The following ADAM12 variants were observed in gnomAD, a reference collection of about 807,000 sequenced individuals.
ADAM12 encodes the protein ADAM metallopeptidase domain 12.
Under a neutral mutation model 106.4 loss-of-function variants are expected in ADAM12, and 70 were observed. The ratio of observed to expected loss-of-function variants is 0.66; its 90% CI spans 0.54 to 0.80. The LOEUF is 0.80. ADAM12 is among the 30% of genes least tolerant of loss of function. ADAM12 has a pLI of 0.00. For synonymous variants in ADAM12, 420 were observed against 433.5 expected (o/e 0.97, Z 0.39); for missense variants, 1,010 against 1,171.9 (o/e 0.86, Z 2.02).
chr10:126,233,373 C>A (rs1958351027), intron 3 of ADAM12, among the ~76,000 whole-genome samples: 1 of 152,098 alleles, frequency 6.6e-6, no homozygotes, highest in East Asian at 1.9e-4. Context: ...CAGTGGAGTC[C>A]ACATCAAGTC....
intron 3 of ADAM12, among the ~76,000 whole-genome samples, chr10:126,170,642 G>A (rs575440165): frequency 3.9e-5 from 6 of 152,276 alleles, no homozygotes; most frequent in South Asian, 2.1e-4. Flanking sequence ...GAAAAGCACC[G>A]TGTCTGGGAC....
At chr10:126,233,517 G>A (rs527967075) in intron 3 of ADAM12, among the ~76,000 whole-genome samples, 2 of 151,566 alleles carry the variant, frequency 1.3e-5, no homozygotes, top group South Asian at 4.2e-4. Flanking sequence ...GTTTGGGTGG[G>A]CGGTTGGGGA....
chr10:126,136,523 C>T (rs1427489395), intron 4 of ADAM12, among the ~76,000 whole-genome samples: 1 of 152,150 alleles, frequency 6.6e-6, no homozygotes, highest in Non-Finnish European at 1.5e-5. Context: ...TTTTGAGCAG[C>T]TCAGGTGTTA....
chr10:126,047,114 G>A (rs1590333111), intron 16 of ADAM12, among the ~76,000 whole-genome samples: 1 of 152,204 alleles, frequency 6.6e-6, no homozygotes. Flanking sequence ...CATTTCAAAT[G>A]TGCATAATAT....
chr10:126,100,485 T>C (rs1955641933), intron 9 of ADAM12, among the ~76,000 whole-genome samples: 1 of 150,188 alleles, frequency 6.7e-6, no homozygotes, highest in Admixed American at 6.6e-5. Context: ...GGGCGGATCA[T>C]GAGGTCAGGA....
chr10:126,149,122 A>G (rs1956683145), intron 4 of ADAM12, among the ~76,000 whole-genome samples: 1 of 152,166 alleles, frequency 6.6e-6, no homozygotes, highest in African/African-American at 2.4e-5. Flanking sequence ...GCAGACATTC[A>G]CCCTTTCACA....
At chr10:126,035,291 G>C (rs1478072633) in intron 21 of ADAM12, among the ~76,000 whole-genome samples, 1 of 151,878 alleles carries the variant, frequency 6.6e-6, no homozygotes, top group Non-Finnish European at 1.5e-5. Flanking sequence ...CTCTCCTAGG[G>C]GAATAAAGAG....
intron 9 of ADAM12, among the ~76,000 whole-genome samples, chr10:126,100,379 C>T (rs1206241453): frequency 6.6e-6 from 1 of 151,994 alleles, no homozygotes; most frequent in East Asian, 1.9e-4. Context: ...TATAAACATA[C>T]ATTTTCCACT....
chr10:126,345,252 A>G (rs538965196), intron 1 of ADAM12, among the ~76,000 whole-genome samples: 50 of 152,222 alleles, frequency 3.3e-4, no homozygotes, highest in African/African-American at 1.1e-3. Flanking sequence ...GAATTTTGTC[A>G]AAGGCCTTTT....
chr10:126,064,985 G>A lies in ADAM12; in HGVS notation c.1430C>T (p.Thr477Ile), dbSNP rs373681599. 1.3e-5 allele frequency: 21 copies of A among 1,611,092 alleles called. 1 individual carries two copies. Among genetic ancestry groups the A allele is most frequent in the East Asian group, 8.9e-5 (4 of 44,836 alleles). ...GGAGTTGCTGGAGTCCCTGCACGCT[G>A]TTCCTGCAGGCTTCAGCTGGAAGGA... ...CEDCQLKPAG[T>I]ACRDSSNSCD... is the part of the protein sequence containing the mutation. The change falls in exon 14 of 23, where the codon ACA becomes ATA. Residue 477 changes from threonine (T) to isoleucine (I), a missense_variant. Physicochemically the swap from Thr to Ile is moderately conservative, Grantham distance 89. Around this residue, in one of 3 missense-constraint regions of ADAM12, gnomAD observed 615 missense variants for 708.5 expected, o/e 0.87. Coordinates refer to ENST00000448723, the MANE Select transcript of ADAM12 (RefSeq NM_001288973.2). This position sits in a 1 kb window ranked among gnomAD's most constrained non-coding sequence, Gnocchi z 4.4.
chr10:126,290,427 G>T (rs1356006948), intron 2 of ADAM12, among the ~76,000 whole-genome samples: 1 of 152,200 alleles, frequency 6.6e-6, no homozygotes, highest in Non-Finnish European at 1.5e-5. Flanking sequence ...ACTTAAACTG[G>T]TGTGATTTGT....
chr10:126,212,978 T>G (rs1957928120), intron 3 of ADAM12, among the ~76,000 whole-genome samples: 1 of 152,200 alleles, frequency 6.6e-6, no homozygotes, highest in Admixed American at 6.5e-5. Context: ...TGGTGGTTTT[T>G]ACTACATTCA....
chr10:126,201,425 G>A (rs910725946), intron 3 of ADAM12, among the ~76,000 whole-genome samples: 3 of 152,108 alleles, frequency 2.0e-5, no homozygotes, highest in Admixed American at 6.6e-5. Flanking sequence ...TTGTTGCCAC[G>A]AGCCAAAAAC....
intron 1 of ADAM12, among the ~76,000 whole-genome samples, chr10:126,368,308 G>T: frequency 6.8e-6 from 1 of 147,002 alleles, no homozygotes. Context: ...TTATTCCTTT[G>T]ATAACTTAAT....
chr10:126,333,925 A>C (rs1854606465), intron 1 of ADAM12, among the ~76,000 whole-genome samples: 1 of 152,208 alleles, frequency 6.6e-6, no homozygotes, highest in African/African-American at 2.4e-5. Context: ...GAGTGACTGC[A>C]CAATTTGCTG....
At chr10:126,367,443 C>A (rs1564759626) in intron 1 of ADAM12, among the ~76,000 whole-genome samples, 2 of 151,746 alleles carry the variant, frequency 1.3e-5, no homozygotes, top group African/African-American at 2.4e-5. Context: ...ATTTGTATTT[C>A]CAAATGGCTG....
intron 3 of ADAM12, among the ~76,000 whole-genome samples, chr10:126,254,507 G>A (rs542597738): frequency 6.6e-6 from 1 of 152,298 alleles, no homozygotes; most frequent in South Asian, 2.1e-4. Context: ...CTCTTCCCCT[G>A]CGGATGCTCT....
At chr10:126,063,373 T>C (rs1251733645) in intron 14 of ADAM12, among the ~76,000 whole-genome samples, 1 of 152,212 alleles carries the variant, frequency 6.6e-6, no homozygotes, top group Non-Finnish European at 1.5e-5. Flanking sequence ...CCGAGAGACA[T>C]CCATCTTGTT....
chr10:126,352,751 G>T (rs1855406888), intron 1 of ADAM12, among the ~76,000 whole-genome samples: 1 of 152,170 alleles, frequency 6.6e-6, no homozygotes, highest in Non-Finnish European at 1.5e-5. Flanking sequence ...GGAAGGGCTG[G>T]GTGGGAAGTG....
Sources: allele counts gnomAD v4.1 joint callset (sites outside exome capture counted in the v4.1 genomes callset), GRCh38; gene constraint gnomAD v4.1.1; regional missense constraint gnomAD v4.1.1; non-coding constraint Gnocchi (gnomAD v3.1); transcripts MANE v1.5; gene names NCBI Gene and HGNC (gene_info 2026-07-23, HGNC 2026-07-21).